GPSM1: variants seen among roughly 807,000 people sequenced by gnomAD.
GPSM1 encodes the protein G protein signaling modulator 1, also known as G protein-signaling modulator 1.
GPSM1 carries 48 observed loss-of-function variants against 70.5 expected under a neutral mutation model. The observed-to-expected ratio is 0.68, with a 90% CI of 0.54 to 0.87. The LOEUF (loss-of-function observed/expected upper bound fraction) is 0.87. Among genes scored for constraint, GPSM1 ranks in the 40% least tolerant of loss-of-function variants. GPSM1 has a pLI of 0.00. For missense variants in GPSM1, 981 were observed against 972.6 expected, an observed-to-expected ratio of 1.01 and a Z score of -0.11; for synonymous variants, 416 against 430.1, an observed-to-expected ratio of 0.97 and a Z score of 0.41.
Position 136,349,670 on chromosome 9 carries a change from G to C in GPSM1, c.1362G>C (p.Lys454Asn), listed in dbSNP as rs1832609486. 4 of 1,553,740 alleles carry C rather than the reference G, an allele frequency of 2.6e-6. No homozygotes were observed. The highest frequency in any genetic ancestry group is 3.5e-6 in the Non-Finnish European group (4 of 1,148,672). Residue 454 changes from lysine (K) to asparagine (N), a missense_variant, in exon 11 of 14, where the codon AAG becomes AAC. Transcript: ENST00000440944. ...DSLPLPVRSR[K>N]YQEGPDAERR... ...TACCCCTCCCCGTGAGGAGCAGGAA[G>C]TACCAGGAAGGCCCGGACGCTGAGA...
intron 9 of GPSM1, among the ~76,000 whole-genome samples, chr9:136,348,339 G>A (rs1217931435): frequency 6.6e-6 from 1 of 152,216 alleles, no homozygotes; most frequent in Non-Finnish European, 1.5e-5. Context: ...AGGTGACCAG[G>A]GGCCACAGGA....
In GPSM1 at chr9:136,337,848, C is replaced by T; in HGVS notation, c.705C>T (p.Arg235=). 2 of 1,609,764 alleles carry T rather than the reference C, an allele frequency of 1.2e-6. No homozygotes were observed. The highest frequency in any genetic ancestry group is 8.5e-7 in the Non-Finnish European group (1 of 1,177,260). ...FTEATTFHKE[R]LAIAKEFGDK... is the part of the protein sequence containing the mutation. The stretch of plus-strand genomic sequence containing the variant: ...TGGCCTCCGGTGTGTCTCCGCAGCG[C>T]CTGGCCATTGCTAAGGAGTTTGGAG... Residue 235 remains arginine (R), a splice_region_variant and synonymous_variant, in exon 6 of 14, where the codon CGC becomes CGT. Coordinates refer to ENST00000440944, the MANE Select transcript of GPSM1 (RefSeq NM_001145638.3).
At chr9:136,335,850 G>A in intron 2 of GPSM1, 116 bp from the exon 3 acceptor site, 1 of 1,075,750 alleles carries the variant, frequency 9.3e-7, no homozygotes, top group Non-Finnish European at 1.3e-6. Flanking sequence ...GCAGGCTCCT[G>A]TCCACTCCAT....
chr9:136,327,776 G>GGGCCGGGGCCA lies in GPSM1; in HGVS notation c.68+15_68+16insCCGGGGCCAGG. ...GCCTCTACTCCAGGTAGGACGGGCC[G>GGGCCGGGGCCA]GGGCCGGGGCCGGGGCCGGGGCTGG... On this transcript the variant is annotated intron_variant, in intron 1 of 13. Transcript: ENST00000440944. 7 of 1,078,210 alleles carry GGGCCGGGGCCA rather than the reference G, an allele frequency of 6.5e-6. No homozygotes were observed. The highest frequency in any genetic ancestry group is 8.1e-6 in the Non-Finnish European group (7 of 864,734). 66.8% of individuals were successfully genotyped at this position (1,078,210 alleles called of 1,614,324 possible). A position where few individuals can be genotyped will look rare whatever the true frequency, so the allele number is the denominator to read the frequency against.
In GPSM1 at chr9:136,342,960, G is replaced by T. The variant is rs1832431087; in HGVS notation, c.1207+1967G>T. ...GTGGTCCATGGGGGCGGTGGGCGTGGCAGAGGCTGGTGGGTTTGGTGTCCC... is the reference window on the plus strand; with the variant it reads ...GTGGTCCATGGGGGCGGTGGGCGTGTCAGAGGCTGGTGGGTTTGGTGTCCC... On this transcript the variant is annotated intron_variant, in intron 9 of 13. Coordinates refer to ENST00000440944, the MANE Select transcript of GPSM1 (RefSeq NM_001145638.3). This position sits in a 1 kb window ranked among gnomAD's most constrained non-coding sequence, Gnocchi z 5.5. Among the ~76,000 whole-genome samples the T allele has an allele frequency of 6.6e-6, 1 of 152,102 alleles. No homozygotes were observed. Among genetic ancestry groups the T allele is most frequent in the South Asian group, 2.1e-4 (1 of 4,828 alleles).
At chr9:136,352,418 C>T (rs1292520784) in intron 11 of GPSM1, among the ~76,000 whole-genome samples, 1 of 152,262 alleles carries the variant, frequency 6.6e-6, no homozygotes, top group Non-Finnish European at 1.5e-5. Flanking sequence ...GCTTTGGGAT[C>T]TGAGGCGGTG....
intron 2 of GPSM1, among the ~76,000 whole-genome samples, chr9:136,334,870 C>A (rs1832195128): frequency 6.6e-6 from 1 of 151,986 alleles, no homozygotes; most frequent in Non-Finnish European, 1.5e-5. Flanking sequence ...GGCGGCCCTG[C>A]TGGCGGGTGA....
At chr9:136,352,650 G>A (rs1468505012) in intron 11 of GPSM1, among the ~76,000 whole-genome samples, 1 of 152,252 alleles carries the variant, frequency 6.6e-6, no homozygotes, top group African/African-American at 2.4e-5. Flanking sequence ...CCCGGACAGA[G>A]GAGTCCAGAT....
chr9:136,356,532 C>A lies in GPSM1; in HGVS notation c.1803C>A (p.Asn601Lys), dbSNP rs544174592. The A allele has an allele frequency of 6.2e-7, 1 of 1,611,302 alleles. No individual in the cohort carries two copies. Among genetic ancestry groups the A allele is most frequent in the Admixed American group, 1.7e-5 (1 of 59,896 alleles). ...AGGAGCCGGGGGACGACTTCTTCAA[C>A]ATGCTCATCAAGTACCAGGTGGGCT... ...EPQEPGDDFF[N>K]MLIKYQSSRI... is the part of the protein sequence containing the mutation. Residue 601 changes from asparagine to lysine, a missense_variant, in exon 13 of 14, where the codon AAC (asparagine) becomes AAA (lysine). Coordinates refer to ENST00000440944, the MANE Select transcript of GPSM1 (RefSeq NM_001145638.3).
intron 4 of GPSM1, 85 bp downstream of exon 4, chr9:136,337,157 GC>G: frequency 7.9e-7 from 1 of 1,262,268 alleles, no homozygotes; most frequent in Non-Finnish European, 1.1e-6. Flanking sequence ...CCCGACCCCA[GC>G]CCCATACCTC....
chr9:136,331,539 G>C (rs767386053), intron 1 of GPSM1, among the ~76,000 whole-genome samples: 58 of 152,184 alleles, frequency 3.8e-4, no homozygotes, highest in Non-Finnish European at 1.3e-4. Flanking sequence ...GGCCAGGCCT[G>C]GGGGAAGAGG....
intron 9 of GPSM1, among the ~76,000 whole-genome samples, chr9:136,346,327 T>C (rs1554771247): frequency 6.6e-6 from 1 of 152,192 alleles, no homozygotes. Context: ...AAGACCAGCC[T>C]GGGCCCCCAA....
At position 136,358,206 on chromosome 9, in the gene GPSM1, C is replaced by G. The variant is rs1268935681; in HGVS notation, c.2014C>G (p.Pro672Ala). The change falls in exon 14 of 14, where the codon CCT becomes GCT. Residue 672 changes from proline (P) to alanine (A), a missense_variant. Transcript: ENST00000440944. ...GPPEPQQQCQ[P>A]GAS ...GCCCGAGCCCCAGCAGCAGTGCCAGCCTGGTGCGAGCTAAGGCCCTGTGCC... is the reference window on the plus strand; with the variant it reads ...GCCCGAGCCCCAGCAGCAGTGCCAGGCTGGTGCGAGCTAAGGCCCTGTGCC... The G allele has an allele frequency of 2.6e-6, 4 of 1,552,158 alleles. No homozygotes were observed. Among genetic ancestry groups the G allele is most frequent in the Non-Finnish European group, 2.6e-6 (3 of 1,152,806 alleles).
chr9:136,354,442 G>A (rs937214046), intron 11 of GPSM1, among the ~76,000 whole-genome samples: 3 of 152,274 alleles, frequency 2.0e-5, no homozygotes, highest in Admixed American at 6.5e-5. Context: ...AGGCAGCATC[G>A]GGGACCCGGG....
rs1031679855 is a variant in GPSM1 at position 136,340,382 on chromosome 9, T to A, written c.1084-488T>A. Among the ~76,000 whole-genome samples the A allele has an allele frequency of 6.6e-6, 1 of 151,968 alleles. No homozygotes were observed. Among genetic ancestry groups the A allele is most frequent in the Non-Finnish European group, 1.5e-5 (1 of 67,974 alleles). On this transcript the variant is annotated intron_variant, in intron 8 of 13. Transcript: ENST00000440944. The surrounding 1 kb of genome is among the most constrained non-coding windows in gnomAD (Gnocchi z 7.3). ...AGCCAGCAGGCAGCCCCCGTGTCCC[T>A]CTGAGTGCAGGCTACAGCCTCCAGG...
chr9:136,355,760 G>A lies in GPSM1; in HGVS notation c.1526G>A (p.Arg509His), dbSNP rs782637041. 28 of 1,611,910 alleles carry A rather than the reference G, an allele frequency of 1.7e-5. No homozygotes were observed. Among genetic ancestry groups the A allele is most frequent in the South Asian group, 8.8e-5 (8 of 91,078 alleles). Reference protein sequence around the residue: ...FDLLTKFQSSRMDDQRCPLDD... With the variant: ...FDLLTKFQSSHMDDQRCPLDD... The stretch of plus-strand genomic sequence containing the variant: ...CTGTTGACCAAGTTCCAGAGCAGCC[G>A]CATGGACGACCAGCGTTGTCCCCTG... Residue 509 changes from arginine to histidine, a missense_variant, in exon 12 of 14, where the codon CGC (arginine) becomes CAC (histidine). Coordinates refer to ENST00000440944, the MANE Select transcript of GPSM1 (RefSeq NM_001145638.3).
intron 1 of GPSM1, among the ~76,000 whole-genome samples, chr9:136,329,720 G>C (rs1267522656): frequency 6.6e-6 from 1 of 152,174 alleles, no homozygotes; most frequent in East Asian, 1.9e-4. Context: ...ACTGTGCCTG[G>C]AAAACACACT....
At position 136,351,975 on chromosome 9, in the gene GPSM1, C is replaced by T. The variant is rs1554772179; in HGVS notation, c.1455+2212C>T. On this transcript the variant is annotated intron_variant, in intron 11 of 13. Coordinates refer to ENST00000440944, the MANE Select transcript of GPSM1 (RefSeq NM_001145638.3). The stretch of plus-strand genomic sequence containing the variant: ...CGTCAGTGGCCGGGTGGGCCCCCTT[C>T]CCCCTCTGCTGGGGTCCTCAGGGAA... Among the ~76,000 whole-genome samples, 3 of 136,752 alleles carry T rather than the reference C, an allele frequency of 2.2e-5. No homozygotes were observed. In the East Asian group the frequency reaches 6.6e-4, roughly 30 times the overall value. 89.7% of individuals were successfully genotyped at this position (136,752 alleles called of 152,430 possible).
Position 136,334,680 on chromosome 9 carries a change from C to T in GPSM1, c.290+12C>T, listed in dbSNP as rs200431141. ...CTCCTGCTGGCGCGGTGAGTGGGGA[C>T]GGTCCTGCTGGCGGGTGAGTGGGGC... On this transcript the variant is annotated intron_variant, in intron 2 of 13. Coordinates refer to ENST00000440944, the MANE Select transcript of GPSM1 (RefSeq NM_001145638.3). The T allele has an allele frequency of 2.4e-5, 39 of 1,600,720 alleles. No homozygotes were observed. Among genetic ancestry groups the T allele is most frequent in the Middle Eastern group, 2.1e-4 (1 of 4,720 alleles).
Sources: allele counts gnomAD v4.1 joint callset (sites outside exome capture counted in the v4.1 genomes callset), GRCh38; gene constraint gnomAD v4.1.1; non-coding constraint Gnocchi (gnomAD v3.1); transcripts MANE v1.5; gene names NCBI Gene and HGNC (gene_info 2026-07-23, HGNC 2026-07-21).